The following ARID1A variants were observed in gnomAD, a reference collection of about 807,000 sequenced individuals.
The protein encoded by ARID1A is AT-rich interaction domain 1A, also known as AT-rich interactive domain-containing protein 1A.
Under a neutral mutation model 212.6 loss-of-function variants are expected in ARID1A, and 20 were observed. The ratio of observed to expected loss-of-function variants is 0.09; its 90% CI spans 0.07 to 0.14. The LOEUF is 0.14. Among genes scored for constraint, ARID1A ranks in the 10% least tolerant of loss-of-function variants. ARID1A has a pLI of 1.00. For missense variants in ARID1A, 2,587 were observed against 3,059.0 expected (o/e 0.85, Z 3.64); for synonymous variants, 1,376 against 1,222.1 (o/e 1.13, Z -2.63).
rs745921263 is a variant in ARID1A, at chr1:26,760,973, C to T, written c.2038C>T (p.Pro680Ser). The T allele has an allele frequency of 3.5e-5, 57 of 1,613,954 alleles. 2 individuals carry two copies. The South Asian group carries it at 5.8e-4, about 16-fold the overall frequency. ...AGAGCAGAGTAATCCAGCTCAGTCT[C>T]CTTTCTCTCCTCATACCTCCCCTCA... Reference protein sequence around the residue: ...QGEQSNPAQSPFSPHTSPHLP... With the variant: ...QGEQSNPAQSSFSPHTSPHLP... Residue 680 changes from proline (P) to serine (S), a missense_variant, in exon 5 of 20, where the codon CCT becomes TCT. Physicochemically the swap from Pro to Ser is moderately conservative, Grantham distance 74. Around this residue, in one of 11 missense-constraint regions of ARID1A, gnomAD observed 674 missense variants for 813.4 expected, o/e 0.83. Transcript: ENST00000324856.
chr1:26,696,948 C>A lies in ARID1A; in HGVS notation c.545C>A (p.Ala182Glu), dbSNP rs2124742371. 1 of 1,455,948 alleles carries A rather than the reference C, an allele frequency of 6.9e-7. No homozygotes were observed. Among genetic ancestry groups the A allele is most frequent in the Admixed American group, 3.0e-5 (1 of 32,960 alleles). 90.2% of individuals were successfully genotyped at this position (1,455,948 alleles called of 1,614,324 possible). The part of the protein sequence containing the change: ...QHGGQQSPGL[A>E]ALQSGGGGGL... ...GGCGGACAACAAAGCCCTGGCCTGG[C>A]AGCGCTGCAGAGCGGCGGCGGCGGG... The change falls in exon 1 of 20, where the codon GCA becomes GAA. Residue 182 changes from alanine to glutamate, a missense_variant. This residue lies in a region of ARID1A where 735 missense variants were observed against 590.6 expected (regional missense o/e 1.24). Transcript: ENST00000324856.
At chr1:26,728,670 C>G (rs1557590480) in intron 1 of ARID1A, among the ~76,000 whole-genome samples, 1 of 152,096 alleles carries the variant, frequency 6.6e-6, no homozygotes, top group Non-Finnish European at 1.5e-5. Flanking sequence ...AATGTAAGAG[C>G]TAGTTTTTAA....
In ARID1A at chr1:26,771,238, G is replaced by A. The variant is rs761033370; in HGVS notation, c.3318G>A (p.Lys1106=). 1.2e-6 allele frequency: 2 copies of A among 1,614,190 alleles called. No individual in the cohort carries two copies. The highest frequency in any genetic ancestry group is 1.7e-5 in the Admixed American group (1 of 60,018). The change falls in exon 12 of 20, where the codon AAG becomes AAA. Residue 1106 remains lysine (K), a synonymous_variant. Transcript: ENST00000324856. This position sits in a 1 kb window ranked among gnomAD's most constrained non-coding sequence, Gnocchi z 5.4. Reference sequence around the variant, plus strand: ...AGTGTCTCTATGCCTTTGAATGCAAGATTGAACGGGGAGAAGACCCTCCCC... The same window carrying A: ...AGTGTCTCTATGCCTTTGAATGCAAAATTGAACGGGGAGAAGACCCTCCCC... ...YIQCLYAFEC[K]IERGEDPPPD...
At chr1:26,745,239 T>C (rs542040438) in intron 4 of ARID1A, among the ~76,000 whole-genome samples, 23 of 152,282 alleles carry the variant, frequency 1.5e-4, no homozygotes, top group African/African-American at 5.5e-4. Context: ...TTAGATTGAT[T>C]GCTCTTGAAT....
intron 4 of ARID1A, among the ~76,000 whole-genome samples, chr1:26,750,758 A>G (rs2080876880): frequency 1.3e-5 from 2 of 151,726 alleles, no homozygotes; most frequent in South Asian, 4.2e-4. Flanking sequence ...CCTTCATGGG[A>G]CTTCTGCTTG....
At position 26,696,182 on chromosome 1, in the gene ARID1A, GCCGCCGCCGCCGCCTCCTCCTCCT is replaced by G. The variant is rs1223429164; in HGVS notation, c.-210_-187del. ...GAGCAGCTGAGCCGCCGGCGCCTCG[GCCGCCGCCGCCGCCTCCTCCTCCT>G]CCGCCGCCGCCAGCCCGGAGCCTGA... On this transcript the variant is annotated 5_prime_UTR_variant, in exon 1 of 20. Transcript: ENST00000324856. 1.0e-5 allele frequency: 6 copies of G among 597,942 alleles called. No homozygotes were observed. The highest frequency in any genetic ancestry group is 2.0e-5 in the African/African-American group (1 of 50,934). The allele number at this position is 597,942 out of a possible 1,614,324, so 37.0% of individuals were successfully genotyped here. A position where few individuals can be genotyped will look rare whatever the true frequency, so the allele number is the denominator to read the frequency against.
intron 1 of ARID1A, among the ~76,000 whole-genome samples, chr1:26,709,659 T>G (rs146655706): frequency 4.3e-4 from 65 of 151,344 alleles, no homozygotes; most frequent in African/African-American, 1.5e-3. Flanking sequence ...AACTAAAATT[T>G]GTTTAGAGAC....
chr1:26,749,855 C>T (rs2080869588), intron 4 of ARID1A, among the ~76,000 whole-genome samples: 1 of 152,222 alleles, frequency 6.6e-6, no homozygotes, highest in African/African-American at 2.4e-5. Context: ...TACCAGCACC[C>T]AAGAGCCCCT....
chr1:26,767,577 A>G (rs1404851894), intron 10 of ARID1A, among the ~76,000 whole-genome samples: 1 of 152,222 alleles, frequency 6.6e-6, no homozygotes, highest in Non-Finnish European at 1.5e-5. Flanking sequence ...AGCACCCAGT[A>G]CATAACATAT....
Position 26,779,409 on chromosome 1 carries a change from T to G in ARID1A, c.5511T>G (p.Phe1837Leu). The G allele has an allele frequency of 6.2e-7, 1 of 1,614,162 alleles. No individual in the cohort carries two copies. The highest frequency in any genetic ancestry group is 8.5e-7 in the Non-Finnish European group (1 of 1,180,024). ...CSDKLGRVQE[F>L]DSGLLHWRIG... ...ATAAGCTTGGGCGTGTGCAGGAGTT[T>G]GACAGTGGCCTGCTGCACTGGCGGA... The change falls in exon 20 of 20, where the codon TTT (phenylalanine) becomes TTG (leucine). Residue 1837 changes from phenylalanine to leucine, a missense_variant. Physicochemically the swap from Phe to Leu is conservative, Grantham distance 22. Around this residue, in one of 11 missense-constraint regions of ARID1A, gnomAD observed 890 missense variants for 1,098.2 expected, o/e 0.81. Coordinates refer to ENST00000324856, the MANE Select transcript of ARID1A (RefSeq NM_006015.6).
At chr1:26,778,745 CTAAG>C (rs747591075) in intron 19 of ARID1A, 157 of 317,422 alleles carry the variant, frequency 4.9e-4, no homozygotes, top group Non-Finnish European at 7.4e-4. Context: ...AAAGAGAAGG[CTAAG>C]AGATGATTGG....
chr1:26,705,837 T>C (rs1461131827), intron 1 of ARID1A, among the ~76,000 whole-genome samples: 2 of 152,232 alleles, frequency 1.3e-5, no homozygotes, highest in Non-Finnish European at 2.9e-5. Context: ...TGGAATATTA[T>C]CTTGGGACAG....
chr1:26,701,162 A>G (rs2080328491), intron 1 of ARID1A, among the ~76,000 whole-genome samples: 1 of 152,230 alleles, frequency 6.6e-6, no homozygotes, highest in African/African-American at 2.4e-5. Flanking sequence ...GGAATAGGCT[A>G]ACAAAGTAAT....
chr1:26,764,106 G>A (rs1231010687), intron 8 of ARID1A, among the ~76,000 whole-genome samples: 1 of 151,974 alleles, frequency 6.6e-6, no homozygotes, highest in Non-Finnish European at 1.5e-5. Flanking sequence ...AGTAGCTGGT[G>A]TTACAGGCAC....
At chr1:26,737,323 G>A (rs1164002836) in intron 4 of ARID1A, among the ~76,000 whole-genome samples, 1 of 152,068 alleles carries the variant, frequency 6.6e-6, no homozygotes, top group Non-Finnish European at 1.5e-5. Context: ...TCACGATGTT[G>A]CCCAGGCTGG....
chr1:26,748,062 G>A (rs1034493148), intron 4 of ARID1A, among the ~76,000 whole-genome samples: 4 of 152,086 alleles, frequency 2.6e-5, no homozygotes, highest in Non-Finnish European at 5.9e-5. Flanking sequence ...CTAAATATTT[G>A]GATTTTATAT....
At chr1:26,777,140 C>T (rs1326206297) in intron 19 of ARID1A, among the ~76,000 whole-genome samples, 1 of 152,140 alleles carries the variant, frequency 6.6e-6, no homozygotes, top group Non-Finnish European at 1.5e-5. Context: ...TCATGGCTCA[C>T]TGCAGCCTCA....
chr1:26,696,391 G>C lies in ARID1A; in HGVS notation c.-13G>C. The stretch of plus-strand genomic sequence containing the variant: ...CAGGGCCGGGTCTCTCCGCGGACGA[G>C]ACAGCGGGGATCATGGCCGCGCAGG... On this transcript the variant is annotated 5_prime_UTR_variant, in exon 1 of 20. Transcript: ENST00000324856. The C allele has an allele frequency of 7.9e-7, 1 of 1,267,772 alleles. No individual in the cohort carries two copies. Among genetic ancestry groups the C allele is most frequent in the Non-Finnish European group, 9.9e-7 (1 of 1,010,196 alleles). The allele number at this position is 1,267,772 out of a possible 1,614,324, so 78.5% of individuals were successfully genotyped here.
At chr1:26,758,834 T>C (rs1259284583) in intron 4 of ARID1A, among the ~76,000 whole-genome samples, 1 of 152,220 alleles carries the variant, frequency 6.6e-6, no homozygotes, top group African/African-American at 2.4e-5. Context: ...GGCCTACTTC[T>C]TACCAACAAG....
Sources: gnomAD v4.1 joint callset for allele counts (sites outside exome capture counted in the v4.1 genomes callset) on GRCh38, gnomAD v4.1.1 for gene constraint, gnomAD v4.1.1 regional missense constraint, Gnocchi (gnomAD v3.1) non-coding constraint, MANE v1.5 for transcripts, NCBI Gene and HGNC (gene_info 2026-07-23, HGNC 2026-07-21) for gene names.